Variants in DNAL1 observed in about 807,000 individuals in gnomAD.
DNAL1 encodes dynein axonemal light chain 1.
DNAL1 carries 17 observed loss-of-function variants against 29.4 expected under a neutral mutation model. That is an observed-to-expected ratio of 0.58 (90% confidence interval 0.40 to 0.87). The LOEUF is 0.87. Among genes scored for constraint, DNAL1 ranks in the 40% least tolerant of loss-of-function variants. The pLI, the probability that DNAL1 is intolerant of heterozygous loss-of-function variation, is 0.00. For missense variants in DNAL1, 188 were observed against 214.1 expected, an observed-to-expected ratio of 0.88 and a Z score of 0.76; for synonymous variants, 78 against 76.3, an observed-to-expected ratio of 1.02 and a Z score of -0.12.
chr14:73,687,420 C>A, intron 6 of DNAL1, 35 bp downstream of exon 6: 1 of 1,508,216 alleles, frequency 6.6e-7, no homozygotes, highest in South Asian at 1.4e-5. Flanking sequence ...AACCTTCTAC[C>A]GCCTGTTTAT....
At chr14:73,656,829 C>T (rs549382683) in intron 2 of DNAL1, among the ~76,000 whole-genome samples, 1 of 152,138 alleles carries the variant, frequency 6.6e-6, no homozygotes. Context: ...TTCTCCTCCT[C>T]TAACCTACAA....
Position 73,654,841 on chromosome 14 carries a change from TTA to T in DNAL1, c.4-5_4-4del, listed in dbSNP as rs1394122288. 1.4e-5 allele frequency: 21 copies of T among 1,513,792 alleles called. No individual in the cohort carries two copies. The highest frequency in any genetic ancestry group is 5.7e-5 in the African/African-American group (4 of 70,606). The allele number at this position is 1,513,792 out of a possible 1,614,324, so 93.8% of individuals were successfully genotyped here. ...TTTCTTTTCTTTCTTTTTTTTTTTTTTAAAGGCGAAAGCAACAACAATCAAAG... is the reference window on the plus strand; with the variant it reads ...TTTCTTTTCTTTCTTTTTTTTTTTTTAAGGCGAAAGCAACAACAATCAAAG... On this transcript the variant is annotated splice_polypyrimidine_tract_variant and splice_region_variant and intron_variant, in intron 1 of 7. Transcript: ENST00000553645.
chr14:73,651,606 T>C (rs968659767), intron 1 of DNAL1, among the ~76,000 whole-genome samples: 6 of 152,176 alleles, frequency 3.9e-5, no homozygotes, highest in African/African-American at 1.4e-4. Flanking sequence ...TTTATAGAAA[T>C]GTATGCCTTG....
chr14:73,682,869 A>ATTTTTTT (rs57815202), intron 5 of DNAL1, among the ~76,000 whole-genome samples: 2 of 101,838 alleles, frequency 2.0e-5, no homozygotes, highest in African/African-American at 8.4e-5. Flanking sequence ...TTTTATAGTT[A>ATTTTTTT]TTTTTTTTTT....
At chr14:73,655,406 G>A (rs1259652909) in intron 2 of DNAL1, among the ~76,000 whole-genome samples, 1 of 148,608 alleles carries the variant, frequency 6.7e-6, no homozygotes, top group Non-Finnish European at 1.5e-5. Flanking sequence ...GTGCAGTGGT[G>A]TGACCTCGGC....
chr14:73,674,333 C>T (rs1891681222), intron 5 of DNAL1, among the ~76,000 whole-genome samples: 1 of 152,184 alleles, frequency 6.6e-6, no homozygotes, highest in Non-Finnish European at 1.5e-5. Context: ...CCTTCTTAAC[C>T]CTCACACTTC....
At chr14:73,648,268 G>A (rs188998126) in intron 1 of DNAL1, among the ~76,000 whole-genome samples, 323 of 148,118 alleles carry the variant, frequency 2.2e-3, no homozygotes, top group African/African-American at 7.9e-3. Context: ...GTGAGCCACC[G>A]CGCCTGGCCA....
At chr14:73,691,205 T>C (rs973350217) in intron 7 of DNAL1, among the ~76,000 whole-genome samples, 11 of 151,602 alleles carry the variant, frequency 7.3e-5, no homozygotes, top group African/African-American at 2.6e-4. Context: ...AATGAACACA[T>C]AGAGATAATC....
Position 73,684,159 on chromosome 14 carries a change from G to A in DNAL1, c.265-3100G>A, listed in dbSNP as rs187174274. ...TTTTATGGCTGAATAGTATTCCATT[G>A]TGTGATATACCATATTTTCTTTATA... On this transcript the variant is annotated intron_variant, in intron 5 of 7. Coordinates refer to ENST00000553645, the MANE Select transcript of DNAL1 (RefSeq NM_031427.4). Among the ~76,000 whole-genome samples the A allele has an allele frequency of 2.2e-4, 34 of 152,240 alleles. No individual in the cohort carries two copies. The East Asian group carries it at 5.8e-3, about 26-fold the overall frequency.
rs1226507381 is a variant in DNAL1 at position 73,698,909 on chromosome 14, G to C, written c.*2967G>C. The stretch of plus-strand genomic sequence containing the variant: ...CCTAGACAGGCCTTAAAAGGTTTTT[G>C]TGTTGTTCTCTGTTAATAAGAATTT... On this transcript the variant is annotated 3_prime_UTR_variant, in exon 8 of 8. Coordinates refer to ENST00000553645, the MANE Select transcript of DNAL1 (RefSeq NM_031427.4). 1 of 152,134 alleles carries C rather than the reference G, an allele frequency of 6.6e-6. No homozygotes were observed. The highest frequency in any genetic ancestry group is 2.4e-5 in the African/African-American group (1 of 41,422). The allele number at this position is 152,134 out of a possible 1,614,324, so 9.4% of individuals were successfully genotyped here.
intron 4 of DNAL1, among the ~76,000 whole-genome samples, chr14:73,665,225 C>A (rs1891450159): frequency 6.6e-6 from 1 of 152,046 alleles, no homozygotes; most frequent in South Asian, 2.1e-4. Context: ...TCAAAGTTGG[C>A]ATTCAGTACT....
intron 1 of DNAL1, among the ~76,000 whole-genome samples, chr14:73,647,423 C>CT (rs959255052): frequency 2.6e-5 from 4 of 151,418 alleles, no homozygotes; most frequent in Non-Finnish European, 5.9e-5. Flanking sequence ...CCATTGGACA[C>CT]TTTTTTTCAC....
intron 5 of DNAL1, among the ~76,000 whole-genome samples, chr14:73,683,636 G>T (rs976716707): frequency 2.8e-5 from 4 of 142,852 alleles, no homozygotes; most frequent in Admixed American, 2.2e-4. Context: ...CCCCTCTCCA[G>T]TCTCTGGTAA....
chr14:73,654,853 G>A lies in DNAL1; in HGVS notation c.10G>A (p.Ala4Thr). 4 of 1,518,816 alleles carry A rather than the reference G, an allele frequency of 2.6e-6. No individual in the cohort carries two copies. The highest frequency in any genetic ancestry group is 2.2e-5 in the Admixed American group (1 of 44,686). 94.1% of individuals were successfully genotyped at this position (1,518,816 alleles called of 1,614,324 possible). The change falls in exon 2 of 8, where the codon GCA becomes ACA. Residue 4 changes from alanine to threonine, a missense_variant. Coordinates refer to ENST00000553645, the MANE Select transcript of DNAL1 (RefSeq NM_031427.4). MAKATTIKEALARW... is the reference protein window; with the variant it reads MAKTTTIKEALARW... ...CTTTTTTTTTTTTTTAAAGGCGAAA[G>A]CAACAACAATCAAAGAAGCCTTAGC...
Position 73,702,127 on chromosome 14 carries a change from A to G in DNAL1, c.*6185A>G. On this transcript the variant is annotated 3_prime_UTR_variant, in exon 8 of 8. Coordinates refer to ENST00000553645, the MANE Select transcript of DNAL1 (RefSeq NM_031427.4). ...TGTGCACGTGCATGAGAGAGAGTGAAAGAGAGAGGTGTTTTTTGTTTTGTT... is the reference window on the plus strand; with the variant it reads ...TGTGCACGTGCATGAGAGAGAGTGAGAGAGAGAGGTGTTTTTTGTTTTGTT... 6.7e-6 allele frequency: 1 copy of G among 148,170 alleles called. No individual in the cohort carries two copies. Among genetic ancestry groups the G allele is most frequent in the Non-Finnish European group, 1.5e-5 (1 of 67,030 alleles). 9.2% of individuals were successfully genotyped at this position (148,170 alleles called of 1,614,324 possible). A position where few individuals can be genotyped will look rare whatever the true frequency, so the allele number is the denominator to read the frequency against.
In DNAL1 at chr14:73,696,350, GGTCT is replaced by G. The variant is rs1421272826; in HGVS notation, c.*413_*416del. On this transcript the variant is annotated 3_prime_UTR_variant, in exon 8 of 8. Coordinates refer to ENST00000553645, the MANE Select transcript of DNAL1 (RefSeq NM_031427.4). ...GAAAATTCAGAACATTTTTCCTGAAGGTCTGTCTCTGTACAATTCAGAAGCACAT... is the reference window on the plus strand; with the variant it reads ...GAAAATTCAGAACATTTTTCCTGAAGGTCTCTGTACAATTCAGAAGCACAT... The G allele has an allele frequency of 6.4e-6, 1 of 157,242 alleles. No individual in the cohort carries two copies. The highest frequency in any genetic ancestry group is 2.4e-5 in the African/African-American group (1 of 41,424). The allele number at this position is 157,242 out of a possible 1,614,324, so 9.7% of individuals were successfully genotyped here. A position where few individuals can be genotyped will look rare whatever the true frequency, so the allele number is the denominator to read the frequency against.
chr14:73,645,570 C>T (rs1389494357), intron 1 of DNAL1, among the ~76,000 whole-genome samples: 4 of 152,116 alleles, frequency 2.6e-5, no homozygotes, highest in Non-Finnish European at 4.4e-5. Flanking sequence ...AGCAGTGATT[C>T]TCAAATTTCA....
chr14:73,671,606 TTATTTA>T lies in DNAL1; in HGVS notation c.264+11_264+16del. ...AGAACTTAAATGGACTGGTAGGTTG[TTATTTA>T]TTATTATTTTATTTATTTAATTTGC... On this transcript the variant is annotated intron_variant, in intron 5 of 7. Coordinates refer to ENST00000553645, the MANE Select transcript of DNAL1 (RefSeq NM_031427.4). The T allele has an allele frequency of 7.0e-7, 1 of 1,431,506 alleles. No individual in the cohort carries two copies. Among genetic ancestry groups the T allele is most frequent in the African/African-American group, 1.5e-5 (1 of 67,204 alleles). The allele number at this position is 1,431,506 out of a possible 1,614,324, so 88.7% of individuals were successfully genotyped here.
intron 3 of DNAL1, among the ~76,000 whole-genome samples, chr14:73,660,952 C>T (rs920838349): frequency 1.3e-5 from 2 of 152,124 alleles, no homozygotes; most frequent in Non-Finnish European, 2.9e-5. Flanking sequence ...GATTTAAAGG[C>T]AATCCATTAT....
Sources: allele counts gnomAD v4.1 joint callset (sites outside exome capture counted in the v4.1 genomes callset), GRCh38; gene constraint gnomAD v4.1.1; transcripts MANE v1.5; gene names NCBI Gene and HGNC (gene_info 2026-07-23, HGNC 2026-07-21).